The following TRPM3 variants were observed in gnomAD, a reference collection of about 807,000 sequenced individuals.
TRPM3 encodes transient receptor potential cation channel subfamily M member 3.
TRPM3 carries 77 observed loss-of-function variants against 181.2 expected under a neutral mutation model. That is an observed-to-expected ratio of 0.42 (90% CI 0.35 to 0.51). TRPM3 has a LOEUF of 0.51. Ranked by LOEUF, TRPM3 falls within the 20% of genes least tolerant of loss-of-function variation. TRPM3 has a pLI of 0.01. For synonymous variants in TRPM3, 745 were observed against 796.4 expected, an observed-to-expected ratio of 0.94 and a Z score of 1.09; for missense variants, 1,759 against 2,196.7, an observed-to-expected ratio of 0.80 and a Z score of 3.98.
intron 1 of TRPM3, among the ~76,000 whole-genome samples, chr9:71,298,245 G>C (rs1033538117): frequency 5.3e-5 from 8 of 152,050 alleles, no homozygotes; most frequent in Non-Finnish European, 7.4e-5. Flanking sequence ...AATCTTTAAC[G>C]TTTGTTTTTG....
chr9:70,950,152 A>G (rs1464880214), intron 1 of TRPM3, among the ~76,000 whole-genome samples: 1 of 152,210 alleles, frequency 6.6e-6, no homozygotes, highest in Non-Finnish European at 1.5e-5. Flanking sequence ...AATTTCTAGC[A>G]AAATCTTTTA....
In TRPM3 at chr9:70,767,904, C is replaced by T. The variant is rs569620299; in HGVS notation, c.1149-6180G>A. Among the ~76,000 whole-genome samples the T allele has an allele frequency of 2.0e-3, 312 of 152,268 alleles. 1 individual carries two copies. The highest frequency in any genetic ancestry group is 7.2e-3 in the African/African-American group (299 of 41,568). On this transcript the variant is annotated intron_variant, in intron 7 of 25. Coordinates refer to ENST00000677713, the MANE Select transcript of TRPM3 (RefSeq NM_001366145.2). ...TACAAGGCTTGTTGGGACTTAACCT[C>T]AGAAGTCCTAGCATGTCACTTTCTT...
At chr9:71,000,732 T>A (rs748873143) in intron 1 of TRPM3, among the ~76,000 whole-genome samples, 2 of 152,208 alleles carry the variant, frequency 1.3e-5, no homozygotes, top group Non-Finnish European at 2.9e-5. Flanking sequence ...AAGCTGGCAA[T>A]ACAATGTACA....
At chr9:70,775,831 A>G (rs578172318) in intron 7 of TRPM3, 12 of 151,998 alleles carry the variant, frequency 7.9e-5, no homozygotes, top group Admixed American at 2.0e-4. Context: ...AAAAATGCAT[A>G]TCTAATTGAC....
At chr9:71,170,884 C>T (rs1056982666) in intron 1 of TRPM3, among the ~76,000 whole-genome samples, 9 of 152,178 alleles carry the variant, frequency 5.9e-5, no homozygotes, top group Admixed American at 3.9e-4. Context: ...TAACCTTAAA[C>T]TCTGACCACT....
chr9:70,837,415 A>G (rs2094394441), intron 5 of TRPM3, among the ~76,000 whole-genome samples: 1 of 152,228 alleles, frequency 6.6e-6, no homozygotes, highest in Non-Finnish European at 1.5e-5. Flanking sequence ...GACATCATTG[A>G]ATGTGAAGAT....
intron 9 of TRPM3, among the ~76,000 whole-genome samples, chr9:70,660,574 C>G (rs925676919): frequency 6.6e-6 from 1 of 152,080 alleles, no homozygotes; most frequent in Non-Finnish European, 1.5e-5. Context: ...CATGGGCACA[C>G]AACCTCAACT....
At chr9:70,541,603 C>T (rs1203081800) in intron 25 of TRPM3, among the ~76,000 whole-genome samples, 4 of 151,124 alleles carry the variant, frequency 2.6e-5, no homozygotes, top group African/African-American at 9.7e-5. Context: ...CCTCTGCCTC[C>T]TGGGTTCAAG....
At chr9:70,774,729 A>T (rs190331199) in intron 7 of TRPM3, 3 of 152,328 alleles carry the variant, frequency 2.0e-5, no homozygotes, top group Non-Finnish European at 4.4e-5. Flanking sequence ...TTTACTGCTT[A>T]CTCAAGACTT....
Position 70,537,384 on chromosome 9 carries a change from C to A in TRPM3, c.3729G>T (p.Arg1243=). ...GCTCTCTCTCGTTGACTTCCTCCAG[C>A]CGCATAGACATGTTCTCCACCCTGC... ...TSERVENMSM[R]LEEVNEREHS... The change falls in exon 26 of 26, where the codon CGG becomes CGT. Residue 1243 remains arginine, a synonymous_variant. Transcript: ENST00000677713. 1 of 1,487,944 alleles carries A rather than the reference C, an allele frequency of 6.7e-7. No individual in the cohort carries two copies. The highest frequency in any genetic ancestry group is 2.4e-5 in the Admixed American group (1 of 42,238). 92.2% of individuals were successfully genotyped at this position (1,487,944 alleles called of 1,614,324 possible).
At chr9:71,303,904 A>G (rs1309141860) in intron 1 of TRPM3, among the ~76,000 whole-genome samples, 3 of 152,218 alleles carry the variant, frequency 2.0e-5, no homozygotes, top group African/African-American at 7.2e-5. Context: ...CAAAAACAAA[A>G]AAAAAAGATT....
At chr9:70,579,628 G>A (rs773574957) in intron 22 of TRPM3, among the ~76,000 whole-genome samples, 4 of 152,186 alleles carry the variant, frequency 2.6e-5, no homozygotes, top group Non-Finnish European at 4.4e-5. Context: ...TAGCTGAACT[G>A]AAAAAGCTGC....
intron 6 of TRPM3, among the ~76,000 whole-genome samples, chr9:70,808,290 C>T (rs942386023): frequency 6.6e-6 from 1 of 152,176 alleles, no homozygotes; most frequent in Non-Finnish European, 1.5e-5. Flanking sequence ...CAAAATTCTT[C>T]CCTGAATGTA....
chr9:70,956,323 TAGAA>T (rs2097071504), intron 1 of TRPM3, among the ~76,000 whole-genome samples: 1 of 128,008 alleles, frequency 7.8e-6, no homozygotes, highest in African/African-American at 3.0e-5. Context: ...TTTTTTGCCT[TAGAA>T]AGCACTGGCT....
At chr9:70,968,440 G>A (rs980118316) in intron 1 of TRPM3, among the ~76,000 whole-genome samples, 5 of 152,084 alleles carry the variant, frequency 3.3e-5, no homozygotes, top group African/African-American at 1.2e-4. Context: ...CAGATTCTCA[G>A]TTCATATCTG....
intron 1 of TRPM3, among the ~76,000 whole-genome samples, chr9:70,971,523 G>C (rs967507952): frequency 3.3e-5 from 5 of 152,010 alleles, no homozygotes; most frequent in Admixed American, 1.3e-4. Flanking sequence ...ATCCCTATTA[G>C]GGATGAATTG....
At chr9:71,323,464 G>T (rs1448473292) in intron 1 of TRPM3, among the ~76,000 whole-genome samples, 1 of 152,036 alleles carries the variant, frequency 6.6e-6, no homozygotes, top group Non-Finnish European at 1.5e-5. Flanking sequence ...AAATTGATCT[G>T]AATGTTAACT....
At chr9:70,866,218 A>G (rs1029746182) in intron 1 of TRPM3, among the ~76,000 whole-genome samples, 12 of 152,016 alleles carry the variant, frequency 7.9e-5, no homozygotes, top group Non-Finnish European at 1.8e-4. Flanking sequence ...TTTGAAACCA[A>G]CTTTTCCTAC....
chr9:70,788,065 GGTTA>G (rs1226848159), intron 6 of TRPM3, among the ~76,000 whole-genome samples: 34 of 147,082 alleles, frequency 2.3e-4, no homozygotes, highest in Non-Finnish European at 1.0e-4. Flanking sequence ...ACATTGTGCA[GGTTA>G]GTTACATATG....
Sources: allele counts gnomAD v4.1 joint callset (sites outside exome capture counted in the v4.1 genomes callset), GRCh38; gene constraint gnomAD v4.1.1; transcripts MANE v1.5; gene names NCBI Gene and HGNC (gene_info 2026-07-23, HGNC 2026-07-21).